The following MGAT4A variants were observed in gnomAD, a reference collection of about 807,000 sequenced individuals.
MGAT4A encodes N-acetylglucosaminyltransferase IVa.
In MGAT4A, 33 loss-of-function variants were observed where a neutral mutation model predicts 74.1. That is an observed-to-expected ratio of 0.45 (90% CI 0.34 to 0.60). The LOEUF is 0.60. Among genes scored for constraint, MGAT4A ranks in the 20% least tolerant of loss-of-function variants. The pLI is 0.02. For missense variants in MGAT4A, 479 were observed against 628.3 expected (o/e 0.76, Z 2.54); for synonymous variants, 198 against 210.4 (o/e 0.94, Z 0.51).
intron 10 of MGAT4A, 152 bp downstream of exon 10, chr2:98,643,771 A>G: frequency 1.5e-6 from 1 of 647,686 alleles, no homozygotes; most frequent in Admixed American, 4.0e-5. Flanking sequence ...CTGCTATCTA[A>G]AAGTTCTTCT....
chr2:98,625,165 T>A lies in MGAT4A; in HGVS notation c.*401A>T. 1.3e-6 allele frequency: 1 copy of A among 794,338 alleles called. No individual in the cohort carries two copies. The highest frequency in any genetic ancestry group is 1.5e-6 in the Non-Finnish European group (1 of 656,270). The allele number at this position is 794,338 out of a possible 1,614,324, so 49.2% of individuals were successfully genotyped here. The stretch of plus-strand genomic sequence containing the variant: ...TATATTTATATATTTATATATATAA[T>A]CCCTGATAATCTATAAAAGAGGGTC... On this transcript the variant is annotated 3_prime_UTR_variant, in exon 16 of 16. Transcript: ENST00000393487.
chr2:98,644,172 C>A (rs771754623), intron 9 of MGAT4A, 119 bp from the exon 10 acceptor site: 14 of 1,050,792 alleles, frequency 1.3e-5, no homozygotes, highest in Non-Finnish European at 1.7e-5. Flanking sequence ...TATAAATCAT[C>A]ATAAACAATT....
At chr2:98,651,814 C>G (rs577310167) in intron 8 of MGAT4A, among the ~76,000 whole-genome samples, 6 of 152,196 alleles carry the variant, frequency 3.9e-5, no homozygotes, top group Admixed American at 1.3e-4. Flanking sequence ...ATACTATCTA[C>G]AAGAAACTTA....
At chr2:98,662,918 A>G (rs981592645) in intron 5 of MGAT4A, 128 bp downstream of exon 5, 4 of 633,754 alleles carry the variant, frequency 6.3e-6, no homozygotes, top group African/African-American at 5.5e-5. Context: ...CAGATAGAAT[A>G]TATTACCTAA....
rs201089786 is a variant in MGAT4A at position 98,635,988 on chromosome 2, AAAAATAAAAT to A, written c.1401+519_1401+528del. ...GTGACAGAGCGAGACTCTGTCTCAA[AAAAATAAAAT>A]AAAATAAAATAAAATAAAATAAAAT... On this transcript the variant is annotated intron_variant, in intron 13 of 15. Coordinates refer to ENST00000393487, the MANE Select transcript of MGAT4A (RefSeq NM_012214.3). Among the ~76,000 whole-genome samples, 89 of 140,752 alleles carry A rather than the reference AAAAATAAAAT, an allele frequency of 6.3e-4. 1 individual carries two copies. The highest frequency in any genetic ancestry group is 1.1e-3 in the Admixed American group (16 of 14,020). 92.3% of individuals were successfully genotyped at this position (140,752 alleles called of 152,430 possible).
intron 2 of MGAT4A, among the ~76,000 whole-genome samples, chr2:98,685,238 T>TA (rs79947111): frequency 2.4e-3 from 326 of 133,454 alleles, no homozygotes; most frequent in Middle Eastern, 7.8e-3. Flanking sequence ...CCCTGTCTCT[T>TA]AAAAAAAAAA....
intron 2 of MGAT4A, among the ~76,000 whole-genome samples, chr2:98,721,822 G>A (rs191552014): frequency 1.1e-3 from 168 of 151,966 alleles, no homozygotes; most frequent in African/African-American, 3.8e-3. Flanking sequence ...AAGCAATAAG[G>A]GAGGAACACA....
At chr2:98,664,477 A>G (rs1487558004) in intron 4 of MGAT4A, among the ~76,000 whole-genome samples, 1 of 152,206 alleles carries the variant, frequency 6.6e-6, no homozygotes, top group Non-Finnish European at 1.5e-5. Context: ...CGAACCATGT[A>G]GAAATACTGC....
chr2:98,670,254 T>C (rs1287472253), intron 4 of MGAT4A, among the ~76,000 whole-genome samples: 1 of 152,054 alleles, frequency 6.6e-6, no homozygotes, highest in Non-Finnish European at 1.5e-5. Flanking sequence ...GGTACTGGGA[T>C]CACTAATTTT....
chr2:98,673,641 G>A (rs778497416), intron 4 of MGAT4A, among the ~76,000 whole-genome samples: 3 of 151,964 alleles, frequency 2.0e-5, no homozygotes, highest in South Asian at 2.1e-4. Context: ...TAAACAAATG[G>A]GATGGAATAC....
At chr2:98,662,762 T>C (rs111302680) in intron 5 of MGAT4A, among the ~76,000 whole-genome samples, 1 of 152,184 alleles carries the variant, frequency 6.6e-6, no homozygotes, top group Admixed American at 6.5e-5. Context: ...AGATCATCAG[T>C]GCAAATCTCC....
intron 10 of MGAT4A, 72 bp from the exon 11 acceptor site, chr2:98,640,300 A>T: frequency 8.0e-7 from 1 of 1,245,778 alleles, no homozygotes; most frequent in African/African-American, 1.5e-5. Flanking sequence ...GAAAATGAGA[A>T]GTCCTTTATT....
intron 4 of MGAT4A, among the ~76,000 whole-genome samples, chr2:98,664,633 G>T (rs1701798796): frequency 6.6e-6 from 1 of 152,162 alleles, no homozygotes; most frequent in African/African-American, 2.4e-5. Flanking sequence ...CTTACAAGCT[G>T]CAATCCTTCA....
chr2:98,634,311 G>A (rs905964703), intron 14 of MGAT4A, among the ~76,000 whole-genome samples: 11 of 152,098 alleles, frequency 7.2e-5, no homozygotes, highest in Non-Finnish European at 1.5e-4. Context: ...CAGATTAAGG[G>A]TGCAAAAGCA....
chr2:98,673,354 A>G (rs1274721473), intron 4 of MGAT4A, among the ~76,000 whole-genome samples: 2 of 152,146 alleles, frequency 1.3e-5, no homozygotes, highest in African/African-American at 4.8e-5. Context: ...GTTCCATAAA[A>G]CCCCAGAAAT....
chr2:98,669,494 GTCTT>G (rs1286734070), intron 4 of MGAT4A, among the ~76,000 whole-genome samples: 1 of 152,138 alleles, frequency 6.6e-6, no homozygotes, highest in Non-Finnish European at 1.5e-5. Flanking sequence ...GTCTCAGTAT[GTCTT>G]TATTAGCAGC....
Position 98,726,439 on chromosome 2 carries a change from A to G in MGAT4A, c.-107T>C. Reference sequence around the variant, plus strand: ...AATGCAGTACTCCTGGCTCTAGGCCAATAAAAATCAATAAGAGAGGTTCAT... The same window carrying G: ...AATGCAGTACTCCTGGCTCTAGGCCGATAAAAATCAATAAGAGAGGTTCAT... On this transcript the variant is annotated 5_prime_UTR_variant, in exon 2 of 16. Coordinates refer to ENST00000393487, the MANE Select transcript of MGAT4A (RefSeq NM_012214.3). 1.3e-6 allele frequency: 1 copy of G among 758,080 alleles called. No homozygotes were observed. Among genetic ancestry groups the G allele is most frequent in the African/African-American group, 1.7e-5 (1 of 57,338 alleles). The allele number at this position is 758,080 out of a possible 1,614,324, so 47.0% of individuals were successfully genotyped here.
intron 4 of MGAT4A, among the ~76,000 whole-genome samples, chr2:98,670,371 A>G (rs1701896484): frequency 6.6e-6 from 1 of 152,200 alleles, no homozygotes; most frequent in Admixed American, 6.5e-5. Flanking sequence ...GACAGTCTGA[A>G]ATACAGTCAT....
intron 6 of MGAT4A, among the ~76,000 whole-genome samples, chr2:98,657,743 T>A (rs956826111): frequency 6.6e-6 from 1 of 152,202 alleles, no homozygotes; most frequent in African/African-American, 2.4e-5. Flanking sequence ...TGAAACTTAC[T>A]AAGCTTTCCC....
Sources: allele counts gnomAD v4.1 joint callset (sites outside exome capture counted in the v4.1 genomes callset), GRCh38; gene constraint gnomAD v4.1.1; transcripts MANE v1.5; gene names NCBI Gene and HGNC (gene_info 2026-07-23, HGNC 2026-07-21).